The following GNE variants were observed in gnomAD, a reference collection of about 807,000 sequenced individuals.
GNE encodes bifunctional UDP-N-acetylglucosamine 2-epimerase/N-acetylmannosamine kinase.
In GNE, 41 loss-of-function variants were observed where a neutral mutation model predicts 61.8. That is an observed-to-expected ratio of 0.66 (90% CI 0.52 to 0.86). GNE has a LOEUF of 0.86. GNE is among the 40% of genes least tolerant of loss of function. The pLI is 0.00. For missense variants in GNE, 608 were observed against 909.1 expected, an observed-to-expected ratio of 0.67 and a Z score of 4.26; for synonymous variants, 264 against 326.4, an observed-to-expected ratio of 0.81 and a Z score of 2.06.
chr9:36,231,251 G>C (rs931414976), intron 5 of GNE, among the ~76,000 whole-genome samples: 1 of 152,094 alleles, frequency 6.6e-6, no homozygotes, highest in African/African-American at 2.4e-5. Context: ...GATCACTTGA[G>C]ACCAGGAGTT....
At chr9:36,257,801 T>TAA (rs1563955404) in intron 1 of GNE, among the ~76,000 whole-genome samples, 17 of 5,372 alleles carry the variant, frequency 3.2e-3, no homozygotes, top group African/African-American at 0.011. Flanking sequence ...AGACTCAGTC[T>TAA]CAAAAAAAAA....
chr9:36,233,543 T>C (rs1044643086), intron 5 of GNE, among the ~76,000 whole-genome samples: 4 of 152,088 alleles, frequency 2.6e-5, no homozygotes, highest in African/African-American at 9.7e-5. Context: ...GGCTGACGCC[T>C]GTAGTCCCAG....
intron 1 of GNE, among the ~76,000 whole-genome samples, chr9:36,257,586 G>A (rs559384948): frequency 1.3e-5 from 2 of 151,588 alleles, no homozygotes; most frequent in African/African-American, 2.4e-5. Flanking sequence ...GGCGGATCAC[G>A]AGGTCAGGAG....
At chr9:36,223,717 G>C (rs899058196) in intron 7 of GNE, among the ~76,000 whole-genome samples, 5 of 151,694 alleles carry the variant, frequency 3.3e-5, no homozygotes, top group African/African-American at 1.2e-4. Flanking sequence ...GGCTGTTGAA[G>C]CAATGACAAC....
At chr9:36,264,280 G>A (rs1830696646) in intron 1 of GNE, among the ~76,000 whole-genome samples, 1 of 152,002 alleles carries the variant, frequency 6.6e-6, no homozygotes, top group Non-Finnish European at 1.5e-5. Flanking sequence ...CTACAGGCAG[G>A]CACCACGATG....
At chr9:36,244,932 T>TC (rs1409529770) in intron 3 of GNE, among the ~76,000 whole-genome samples, 2 of 128,972 alleles carry the variant, frequency 1.6e-5, no homozygotes, top group Non-Finnish European at 3.2e-5. Flanking sequence ...AGAGTAAGAC[T>TC]CCATCTCAAA....
chr9:36,248,125 GT>G (rs1157359767), intron 2 of GNE, among the ~76,000 whole-genome samples: 7 of 151,116 alleles, frequency 4.6e-5, no homozygotes, highest in African/African-American at 1.7e-4. Flanking sequence ...TTCCCACCTT[GT>G]TTTTAAAGAA....
chr9:36,271,721 G>T (rs925938716), intron 1 of GNE, among the ~76,000 whole-genome samples: 9 of 152,118 alleles, frequency 5.9e-5, no homozygotes, highest in Admixed American at 3.3e-4. Context: ...TGGTATCTTT[G>T]AATGTATATG....
chr9:36,231,066 T>TAAAAAAAAAAAAAAAAA (rs529903965), intron 5 of GNE, among the ~76,000 whole-genome samples: 1 of 68,370 alleles, frequency 1.5e-5, no homozygotes, highest in African/African-American at 4.6e-5. Context: ...ACTGCTTCAC[T>TAAAAAAAAAAAAAAAAA]AAAAAAAAAA....
intron 1 of GNE, among the ~76,000 whole-genome samples, chr9:36,255,907 C>T (rs1233715398): frequency 2.6e-5 from 4 of 152,108 alleles, no homozygotes; most frequent in African/African-American, 4.8e-5. Context: ...CACTGGCAAT[C>T]GCTGAAAAAC....
chr9:36,262,976 T>C (rs1427999421), upstream of GNE, among the ~76,000 whole-genome samples: 1 of 152,180 alleles, frequency 6.6e-6, no homozygotes, highest in Non-Finnish European at 1.5e-5. Flanking sequence ...ATGTAAATTC[T>C]GTATATACCC....
intron 1 of GNE, among the ~76,000 whole-genome samples, chr9:36,274,082 G>GTGTGTT (rs1831153411): frequency 4.7e-5 from 1 of 21,308 alleles, no homozygotes; most frequent in African/African-American, 1.4e-4. Context: ...GTGTGTGTGT[G>GTGTGTT]TGTGTGTGTG....
At chr9:36,258,642 C>T (rs1215263099), upstream of GNE, 3 of 446,830 alleles carry the variant, frequency 6.7e-6, no homozygotes, top group Non-Finnish European at 8.9e-6. Context: ...CTTCCATGGC[C>T]TCTGCCGCGC....
At chr9:36,249,429 A>G (rs1830029528) in intron 1 of GNE, 32 bp from the exon 2 acceptor site, 1 of 1,403,310 alleles carries the variant, frequency 7.1e-7, no homozygotes, top group Non-Finnish European at 1.0e-6. Flanking sequence ...CTTTATAATC[A>G]GAATAACTCC....
At position 36,257,758 on chromosome 9, in the gene GNE, G is replaced by T. The variant is rs370944963; in HGVS notation, c.-43+563C>A. 4.2e-3 allele frequency among the ~76,000 whole-genome samples: 516 copies of T among 122,834 alleles called. 11 individuals are homozygous for T. Among genetic ancestry groups the T allele is most frequent in the Admixed American group, 0.035 (354 of 10,118 alleles). The allele number at this position is 122,834 out of a possible 152,430, so 80.6% of individuals were successfully genotyped here. On this transcript the variant is annotated intron_variant, in intron 1 of 11. Transcript: ENST00000642385. Reference sequence around the variant, plus strand: ...GCGGAGCTTGCAGTGAGCCGAGATCGCGCCACTGCACTCCAGCCTGGGCGA... The same window carrying T: ...GCGGAGCTTGCAGTGAGCCGAGATCTCGCCACTGCACTCCAGCCTGGGCGA...
rs144727134 is a variant in GNE at position 36,246,345 on chromosome 9, C to T, written c.302G>A (p.Arg101His). The change falls in exon 3 of 12, where the codon CGC becomes CAC. Residue 101 changes from arginine to histidine, a missense_variant. Transcript: ENST00000642385. Reference sequence around the variant, plus strand: ...AACAATCATGATATCAGGCTTCAGGCGATTAAGGACATCTGGCAGCTTCAC... The same window carrying T: ...AACAATCATGATATCAGGCTTCAGGTGATTAAGGACATCTGGCAGCTTCAC... ...ALVKLPDVLN[R>H]LKPDIMIVHG... is the part of the protein sequence containing the mutation. The T allele has an allele frequency of 3.7e-6, 6 of 1,613,922 alleles. No individual in the cohort carries two copies. The highest frequency in any genetic ancestry group is 4.5e-5 in the East Asian group (2 of 44,898).
rs866306903 is a variant in GNE, at chr9:36,232,348, G to A, written c.982+1572C>T. Among the ~76,000 whole-genome samples, 29 of 40,586 alleles carry A rather than the reference G, an allele frequency of 7.1e-4. 1 individual carries two copies. The Middle Eastern group carries it at 0.038, about 54-fold the overall frequency. 26.6% of individuals were successfully genotyped at this position (40,586 alleles called of 152,430 possible). ...TTCTTGCCCCCCCGCCCCCCCTCCC[G>A]ACATTCCATTCTGTATATTAGCAAC... On this transcript the variant is annotated intron_variant, in intron 5 of 11. Coordinates refer to ENST00000642385, the MANE Select transcript of GNE (RefSeq NM_005476.7).
At chr9:36,272,553 G>A (rs899610395) in intron 1 of GNE, among the ~76,000 whole-genome samples, 23 of 149,284 alleles carry the variant, frequency 1.5e-4, no homozygotes, top group East Asian at 3.9e-4. Flanking sequence ...CCCGGGAGGC[G>A]GAGCTTGCAG....
chr9:36,232,536 G>A (rs577355383), intron 5 of GNE, among the ~76,000 whole-genome samples: 7 of 152,090 alleles, frequency 4.6e-5, no homozygotes, highest in African/African-American at 1.2e-4. Flanking sequence ...CCACAATAGC[G>A]CTTCCATTTC....
Sources: allele counts gnomAD v4.1 joint callset (sites outside exome capture counted in the v4.1 genomes callset), GRCh38; gene constraint gnomAD v4.1.1; transcripts MANE v1.5; gene names NCBI Gene and HGNC (gene_info 2026-07-23, HGNC 2026-07-21).